Variants in DNAH12 observed in about 807,000 individuals in gnomAD.
DNAH12 encodes the protein axonemal beta dynein heavy chain 12.
Under a neutral mutation model 371.5 loss-of-function variants are expected in DNAH12, and 285 were observed. The observed-to-expected ratio is 0.77, with a 90% CI of 0.70 to 0.85. The LOEUF is 0.85. Among genes scored for constraint, DNAH12 ranks in the 40% least tolerant of loss-of-function variants. DNAH12 has a pLI of 0.00. For synonymous variants in DNAH12, 1,200 were observed against 1,213.0 expected (o/e 0.99, Z 0.22); for missense variants, 3,611 against 3,689.4 (o/e 0.98, Z 0.55).
intron 25 of DNAH12, among the ~76,000 whole-genome samples, chr3:57,448,424 G>A (rs1036821104): frequency 6.6e-6 from 1 of 151,928 alleles, no homozygotes; most frequent in Non-Finnish European, 1.5e-5. Flanking sequence ...GAGTGTTAAA[G>A]CTCTTAATGC....
chr3:57,447,577 C>A (rs2065551736), intron 25 of DNAH12, among the ~76,000 whole-genome samples: 1 of 152,086 alleles, frequency 6.6e-6, no homozygotes, highest in African/African-American at 2.4e-5. Context: ...AATAAGTAAA[C>A]CACAAAGTGA....
At chr3:57,407,227 T>G (rs943682932) in intron 40 of DNAH12, among the ~76,000 whole-genome samples, 4 of 147,276 alleles carry the variant, frequency 2.7e-5, no homozygotes, top group African/African-American at 1.0e-4. Flanking sequence ...GTTCTGTGAT[T>G]CATCTCCCTG....
intron 32 of DNAH12, 64 bp from the exon 33 acceptor site, chr3:57,429,838 A>C (rs781630631): frequency 1.5e-6 from 2 of 1,345,676 alleles, no homozygotes; most frequent in South Asian, 1.5e-5. Context: ...ATAAAAATTT[A>C]TACTATGTAT....
At chr3:57,319,115 T>C (rs2061748123) in intron 65 of DNAH12, among the ~76,000 whole-genome samples, 1 of 152,212 alleles carries the variant, frequency 6.6e-6, no homozygotes, top group South Asian at 2.1e-4. Context: ...AAGTATTTTA[T>C]TGTTTTTGGT....
chr3:57,490,319 A>G (rs749617100), intron 11 of DNAH12, among the ~76,000 whole-genome samples: 5 of 152,112 alleles, frequency 3.3e-5, no homozygotes, highest in South Asian at 4.1e-4. Context: ...GTGACAGGGT[A>G]AGACTCTATC....
chr3:57,332,838 T>C (rs746933265), intron 62 of DNAH12, among the ~76,000 whole-genome samples: 1 of 152,156 alleles, frequency 6.6e-6, no homozygotes, highest in Non-Finnish European at 1.5e-5. Flanking sequence ...CCAAAAGCCA[T>C]AGAGAGTCCT....
At chr3:57,372,590 G>T (rs1400173009) in intron 55 of DNAH12, among the ~76,000 whole-genome samples, 11 of 151,926 alleles carry the variant, frequency 7.2e-5, no homozygotes, top group African/African-American at 2.7e-4. Flanking sequence ...TTATACTGTT[G>T]AAAGATATTT....
intron 12 of DNAH12, among the ~76,000 whole-genome samples, chr3:57,484,463 C>A (rs1472070100): frequency 3.9e-5 from 6 of 152,030 alleles, no homozygotes; most frequent in Admixed American, 2.6e-4. Flanking sequence ...GGAAAGGACA[C>A]CCTATTCAAT....
At chr3:57,449,186 G>T (rs2065652674) in intron 25 of DNAH12, among the ~76,000 whole-genome samples, 1 of 151,626 alleles carries the variant, frequency 6.6e-6, no homozygotes, top group Non-Finnish European at 1.5e-5. Flanking sequence ...CAAACCTTGA[G>T]CTAAACACAG....
Position 57,445,639 on chromosome 3 carries a change from GA to G in DNAH12, c.4180-221del, listed in dbSNP as rs568596769. Among the ~76,000 whole-genome samples, 936 of 151,942 alleles carry G rather than the reference GA, an allele frequency of 6.2e-3. 12 individuals carry two copies. Among genetic ancestry groups the G allele is most frequent in the African/African-American group, 0.022 (900 of 41,444 alleles). ...TTGGGAGGGAAATTACAATTTTATG[GA>G]AAAAAATCATTTTGAATGGATTATG... On this transcript the variant is annotated intron_variant, in intron 27 of 73. Coordinates refer to ENST00000495027, the MANE Select transcript of DNAH12 (RefSeq NM_001366028.2).
chr3:57,424,470 C>A (rs371023298), intron 35 of DNAH12, among the ~76,000 whole-genome samples: 70 of 118,348 alleles, frequency 5.9e-4, no homozygotes, highest in Admixed American at 1.2e-3. Flanking sequence ...GATTCCATCT[C>A]AAAAAAAAAA....
Position 57,391,999 on chromosome 3 carries a change from A to G in DNAH12, c.7178T>C (p.Phe2393Ser), listed in dbSNP as rs1343641122. ...ATTATCTTTGCAGCGATTCACAAAGAAAGCAAACAGAGCTAAGGGACTGAG... is the reference window on the plus strand; with the variant it reads ...ATTATCTTTGCAGCGATTCACAAAGGAAGCAAACAGAGCTAAGGGACTGAG... Reference protein sequence around the residue: ...DELSPLALFAFFVNRCKDNLH... With the variant: ...DELSPLALFASFVNRCKDNLH... The change falls in exon 45 of 74, where the codon TTC (phenylalanine) becomes TCC (serine). Residue 2393 changes from phenylalanine (F) to serine (S), a missense_variant. Phe to Ser is a radical substitution (Grantham distance 155). This residue lies in a region of DNAH12 where 2,266 missense variants were observed against 2,236.9 expected (regional missense o/e 1.01). Coordinates refer to ENST00000495027, the MANE Select transcript of DNAH12 (RefSeq NM_001366028.2). 6.6e-6 allele frequency: 1 copy of G among 152,280 alleles called. No individual in the cohort carries two copies. Among genetic ancestry groups the G allele is most frequent in the Non-Finnish European group, 1.5e-5 (1 of 68,052 alleles). The allele number at this position is 152,280 out of a possible 1,614,324, so 9.4% of individuals were successfully genotyped here.
At chr3:57,345,524 G>C (rs1279221644) in intron 60 of DNAH12, among the ~76,000 whole-genome samples, 2 of 152,136 alleles carry the variant, frequency 1.3e-5, no homozygotes, top group Non-Finnish European at 2.9e-5. Flanking sequence ...CCAATGTACT[G>C]AAGAGATGAA....
intron 12 of DNAH12, among the ~76,000 whole-genome samples, chr3:57,487,344 A>AGGGAGG (rs1442239219): frequency 1.7e-5 from 2 of 119,326 alleles, no homozygotes; most frequent in African/African-American, 6.6e-5. Flanking sequence ...GGAGGGAGGG[A>AGGGAGG]GAGAGAGAGA....
intron 19 of DNAH12, 125 bp downstream of exon 19, chr3:57,461,364 G>T (rs2153377163): frequency 4.0e-6 from 3 of 741,598 alleles, no homozygotes; most frequent in African/African-American, 3.5e-5. Context: ...CAAAGTTATA[G>T]GTCTATGATT....
rs145935443 is a variant in DNAH12 at position 57,505,669 on chromosome 3, G to T, written c.898-1465C>A. Among the ~76,000 whole-genome samples the T allele has an allele frequency of 4.3e-3, 652 of 152,212 alleles. 7 individuals are homozygous for T. Among genetic ancestry groups the T allele is most frequent in the African/African-American group, 0.015 (631 of 41,548 alleles). ...TTGGCCAGGCTGGTCTCGAACTCCTGACCTCAGGTAATCCACCCACCTTGG... is the reference window on the plus strand; with the variant it reads ...TTGGCCAGGCTGGTCTCGAACTCCTTACCTCAGGTAATCCACCCACCTTGG... On this transcript the variant is annotated intron_variant, in intron 8 of 73. Coordinates refer to ENST00000495027, the MANE Select transcript of DNAH12 (RefSeq NM_001366028.2).
At chr3:57,396,442 G>A (rs1194522337) in intron 43 of DNAH12, among the ~76,000 whole-genome samples, 1 of 151,380 alleles carries the variant, frequency 6.6e-6, no homozygotes, top group African/African-American at 2.4e-5. Context: ...CTGTTGACTG[G>A]GCTGGAGTAC....
At chr3:57,320,982 C>T (rs898077211) in intron 65 of DNAH12, among the ~76,000 whole-genome samples, 3 of 152,154 alleles carry the variant, frequency 2.0e-5, no homozygotes, top group Admixed American at 6.6e-5. Context: ...CCAACAAATC[C>T]CAATACTTAC....
intron 43 of DNAH12, among the ~76,000 whole-genome samples, chr3:57,401,507 T>C (rs1377518406): frequency 4.4e-5 from 6 of 137,272 alleles, no homozygotes; most frequent in African/African-American, 1.7e-4. Flanking sequence ...AAGATTGCAG[T>C]GAGCCGAGAT....
Sources: allele counts gnomAD v4.1 joint callset (sites outside exome capture counted in the v4.1 genomes callset), GRCh38; gene constraint gnomAD v4.1.1; regional missense constraint gnomAD v4.1.1; transcripts MANE v1.5; gene names NCBI Gene and HGNC (gene_info 2026-07-23, HGNC 2026-07-21).